The following CNBD1 variants were observed in gnomAD, a reference collection of about 807,000 sequenced individuals.
CNBD1 encodes cyclic nucleotide binding domain containing 1.
Under a neutral mutation model 54.4 loss-of-function variants are expected in CNBD1, and 71 were observed. The observed-to-expected ratio is 1.30, with a 90% CI of 1.08 to 1.59. The LOEUF (loss-of-function observed/expected upper bound fraction) is 1.59, where lower values mean the gene tolerates loss of function less well. Among genes scored for constraint, CNBD1 ranks in the 40% most tolerant of loss-of-function variants. The pLI is 0.00. For missense variants in CNBD1, 659 were observed against 518.0 expected (o/e 1.27, Z -2.64); for synonymous variants, 182 against 170.7 (o/e 1.07, Z -0.51).
intron 1 of CNBD1, among the ~76,000 whole-genome samples, chr8:86,878,165 A>G (rs1249977917): frequency 1.3e-5 from 2 of 151,868 alleles, no homozygotes; most frequent in African/African-American, 4.8e-5. Flanking sequence ...ATTTCCTGGC[A>G]TAATTATTAT....
At chr8:87,239,199 C>T (rs983993880) in intron 6 of CNBD1, among the ~76,000 whole-genome samples, 9 of 152,156 alleles carry the variant, frequency 5.9e-5, no homozygotes, top group Admixed American at 4.6e-4. Flanking sequence ...CTTGCAGCAA[C>T]TCTGTGGTTT....
At chr8:87,150,321 G>A (rs917234989) in intron 4 of CNBD1, among the ~76,000 whole-genome samples, 27 of 152,190 alleles carry the variant, frequency 1.8e-4, no homozygotes, top group Non-Finnish European at 3.4e-4. Context: ...GTACAATAGA[G>A]TGAAGGTCTA....
At chr8:87,417,524 C>T (rs937769909) in intron 2 of CNBD1, among the ~76,000 whole-genome samples, 1 of 151,924 alleles carries the variant, frequency 6.6e-6, no homozygotes, top group African/African-American at 2.4e-5. Flanking sequence ...GAAAAGATAT[C>T]CAGATTGGAA....
intron 2 of CNBD1, among the ~76,000 whole-genome samples, chr8:87,427,061 C>T (rs952084888): frequency 5.9e-5 from 9 of 152,072 alleles, no homozygotes; most frequent in African/African-American, 2.4e-5. Flanking sequence ...AAGCATTGAA[C>T]AGATAATGGA....
At chr8:87,255,592 G>T (rs542415587) in intron 6 of CNBD1, among the ~76,000 whole-genome samples, 3 of 151,830 alleles carry the variant, frequency 2.0e-5, no homozygotes, top group East Asian at 1.9e-4. Context: ...AATATCTGTT[G>T]TTATAATTTT....
intron 4 of CNBD1, among the ~76,000 whole-genome samples, chr8:86,977,598 T>C (rs1167487669): frequency 1.3e-5 from 2 of 152,116 alleles, no homozygotes; most frequent in Non-Finnish European, 2.9e-5. Flanking sequence ...GAGACTAGTA[T>C]AAAAATTATA....
intron 4 of CNBD1, among the ~76,000 whole-genome samples, chr8:86,944,380 C>G (rs1209081024): frequency 6.6e-6 from 1 of 152,050 alleles, no homozygotes; most frequent in Non-Finnish European, 1.5e-5. Flanking sequence ...ATACTAAACA[C>G]ATATGTATTC....
chr8:87,222,582 A>G (rs190570148), intron 5 of CNBD1, among the ~76,000 whole-genome samples: 2 of 152,282 alleles, frequency 1.3e-5, no homozygotes, highest in African/African-American at 4.8e-5. Flanking sequence ...ACCACTGACA[A>G]TATGACCTTA....
In CNBD1 at chr8:87,285,535, C is replaced by T. The variant is rs777639125; in HGVS notation, c.909+720C>T. 7.9e-5 allele frequency among the ~76,000 whole-genome samples: 12 copies of T among 152,072 alleles called. No homozygotes were observed. The South Asian group carries it at 2.1e-3, about 26-fold the overall frequency. On this transcript the variant is annotated intron_variant, in intron 7 of 10. Coordinates refer to ENST00000518476, the MANE Select transcript of CNBD1 (RefSeq NM_173538.3). Reference sequence around the variant, plus strand: ...GGTGTATCACCTGAGGTGGGGAGTTCGAGCCAGCCTGACCAACATGGAGAA... The same window carrying T: ...GGTGTATCACCTGAGGTGGGGAGTTTGAGCCAGCCTGACCAACATGGAGAA...
intron 4 of CNBD1, among the ~76,000 whole-genome samples, chr8:87,127,228 A>C (rs1399002976): frequency 6.6e-6 from 1 of 152,040 alleles, no homozygotes; most frequent in Non-Finnish European, 1.5e-5. Flanking sequence ...GGTGCATTCA[A>C]TTTGTAGATC....
chr8:87,262,666 C>T (rs1334864087), intron 6 of CNBD1, among the ~76,000 whole-genome samples: 1 of 152,092 alleles, frequency 6.6e-6, no homozygotes, highest in Non-Finnish European at 1.5e-5. Flanking sequence ...TGAAGAATTC[C>T]TAGTCTAAGG....
At chr8:86,914,398 G>A (rs965236486) in intron 3 of CNBD1, among the ~76,000 whole-genome samples, 11 of 152,180 alleles carry the variant, frequency 7.2e-5, no homozygotes, top group African/African-American at 2.7e-4. Context: ...ACAGTAACAT[G>A]CTGTACAGGT....
intron 4 of CNBD1, among the ~76,000 whole-genome samples, chr8:87,016,834 A>G (rs566209785): frequency 6.6e-6 from 1 of 152,274 alleles, no homozygotes; most frequent in South Asian, 2.1e-4. Flanking sequence ...TGAGAAGGGG[A>G]TTGCCCAACG....
chr8:87,350,890 G>A (rs960644112), intron 8 of CNBD1, among the ~76,000 whole-genome samples: 6 of 151,968 alleles, frequency 3.9e-5, no homozygotes, highest in Admixed American at 1.3e-4. Context: ...ATTTTAATAC[G>A]TTGATAGTTA....
At chr8:87,142,856 G>A (rs541888925) in intron 4 of CNBD1, among the ~76,000 whole-genome samples, 40 of 151,318 alleles carry the variant, frequency 2.6e-4, no homozygotes, top group Non-Finnish European at 4.9e-4. Context: ...TGTTGTGCTC[G>A]TTGTTCGTGA....
chr8:87,426,206 G>T (rs1189920526), intron 2 of CNBD1, among the ~76,000 whole-genome samples: 1 of 152,164 alleles, frequency 6.6e-6, no homozygotes, highest in Non-Finnish European at 1.5e-5. Context: ...CCACTGACCT[G>T]CGCCCGCTGT....
intron 4 of CNBD1, among the ~76,000 whole-genome samples, chr8:87,129,018 C>T (rs1299167197): frequency 3.0e-5 from 4 of 135,074 alleles, no homozygotes; most frequent in Non-Finnish European, 6.2e-5. Context: ...TGCAGTGAGC[C>T]GAGATCGCCC....
downstream of CNBD1, among the ~76,000 whole-genome samples, chr8:87,384,757 T>G (rs1811150166): frequency 6.6e-6 from 1 of 151,992 alleles, no homozygotes; most frequent in South Asian, 2.1e-4. Context: ...ACCTCAGACC[T>G]GAAGGAAGTG....
chr8:87,058,237 C>T (rs746734382), intron 4 of CNBD1, among the ~76,000 whole-genome samples: 4 of 152,240 alleles, frequency 2.6e-5, no homozygotes, highest in Non-Finnish European at 5.9e-5. Context: ...CCTCGGGCAG[C>T]TCCACCCCTG....
Sources: gnomAD v4.1 joint callset for allele counts (sites outside exome capture counted in the v4.1 genomes callset) on GRCh38, gnomAD v4.1.1 for gene constraint, MANE v1.5 for transcripts, NCBI Gene and HGNC (gene_info 2026-07-23, HGNC 2026-07-21) for gene names.